The following SGCZ variants were observed in gnomAD, a reference collection of about 807,000 sequenced individuals.
The protein encoded by SGCZ is zeta-sarcoglycan.
In SGCZ, 40 loss-of-function variants were observed where a neutral mutation model predicts 41.3. The ratio of observed to expected loss-of-function variants is 0.97; its 90% CI spans 0.75 to 1.26. SGCZ has a LOEUF of 1.26. Among genes scored for constraint, SGCZ ranks in the 50% most tolerant of loss-of-function variants. The probability of loss-of-function intolerance (pLI) is 0.00; values close to 1 mark genes in which losing one functional copy is unlikely to be tolerated. For missense variants in SGCZ, 552 were observed against 369.8 expected, an observed-to-expected ratio of 1.49 and a Z score of -4.04; for synonymous variants, 206 against 137.5, an observed-to-expected ratio of 1.50 and a Z score of -3.49.
chr8:14,857,231 G>A (rs116202191), intron 1 of SGCZ, among the ~76,000 whole-genome samples: 3,790 of 152,174 alleles, frequency 0.025, 98 homozygotes, highest in African/African-American at 0.073. Context: ...GAAACCCAGC[G>A]GAAGCTGGCA....
In SGCZ at chr8:14,344,974, T is replaced by C. The variant is rs1174594059; in HGVS notation, c.235-20770A>G. 2.6e-5 allele frequency among the ~76,000 whole-genome samples: 4 copies of C among 152,088 alleles called. No individual in the cohort carries two copies. The East Asian group carries it at 7.7e-4, about 29-fold the overall frequency. On this transcript the variant is annotated intron_variant, in intron 2 of 7. Transcript: ENST00000382080. ...AAAATTTTGACAGTAATTTCACTTG[T>C]AGGCATACACACTGGCAAAATAAAA...
At chr8:15,181,089 A>T (rs1368710750) in intron 1 of SGCZ, among the ~76,000 whole-genome samples, 1 of 152,154 alleles carries the variant, frequency 6.6e-6, no homozygotes, top group Non-Finnish European at 1.5e-5. Flanking sequence ...AAGCCATTAA[A>T]AGAAAAAAGA....
chr8:15,009,239 G>C (rs898480965), intron 1 of SGCZ, among the ~76,000 whole-genome samples: 1 of 152,256 alleles, frequency 6.6e-6, no homozygotes, highest in African/African-American at 2.4e-5. Flanking sequence ...CAAAGGGGAA[G>C]TAAGCATGAT....
intron 1 of SGCZ, among the ~76,000 whole-genome samples, chr8:15,217,959 G>A (rs898029793): frequency 1.2e-4 from 18 of 152,104 alleles, no homozygotes; most frequent in African/African-American, 4.3e-4. Flanking sequence ...GGTGGCGTGT[G>A]CTTGTAATCC....
At chr8:14,101,575 A>G (rs926418214) in intron 7 of SGCZ, among the ~76,000 whole-genome samples, 1 of 152,252 alleles carries the variant, frequency 6.6e-6, no homozygotes, top group Non-Finnish European at 1.5e-5. Context: ...GAGTAGCAAC[A>G]AGATTTAAAG....
intron 1 of SGCZ, among the ~76,000 whole-genome samples, chr8:14,985,079 T>C (rs1801787298): frequency 1.3e-5 from 2 of 152,194 alleles, no homozygotes; most frequent in Admixed American, 1.3e-4. Context: ...GGCAAGCCAA[T>C]ACCCAATGGT....
intron 3 of SGCZ, among the ~76,000 whole-genome samples, chr8:14,254,997 C>A (rs113506807): frequency 2.3e-4 from 35 of 152,184 alleles, no homozygotes; most frequent in African/African-American, 8.0e-4. Context: ...TCTATTATTT[C>A]TCCAGTTTGG....
chr8:15,048,174 G>A (rs59504482), intron 1 of SGCZ, among the ~76,000 whole-genome samples: 20,483 of 152,026 alleles, frequency 0.13, 1,543 homozygotes, highest in South Asian at 0.23. Context: ...CCTGTCATTT[G>A]CAGCAACATT....
chr8:15,182,209 A>T (rs1272496460), intron 1 of SGCZ, among the ~76,000 whole-genome samples: 1 of 152,216 alleles, frequency 6.6e-6, no homozygotes, highest in African/African-American at 2.4e-5. Flanking sequence ...AATATCCTTA[A>T]TTCTTAGGTT....
intron 1 of SGCZ, among the ~76,000 whole-genome samples, chr8:15,126,101 G>A (rs1042816344): frequency 9.9e-5 from 15 of 152,176 alleles, no homozygotes; most frequent in African/African-American, 2.4e-4. Flanking sequence ...AGCCAAGATC[G>A]TGTCATCGCA....
intron 1 of SGCZ, among the ~76,000 whole-genome samples, chr8:15,157,784 C>G (rs747056475): frequency 5.3e-5 from 8 of 152,222 alleles, no homozygotes; most frequent in Non-Finnish European, 8.8e-5. Flanking sequence ...TATACCTCCA[C>G]TAGCTGAACT....
intron 1 of SGCZ, among the ~76,000 whole-genome samples, chr8:14,673,441 G>A (rs963273123): frequency 5.9e-5 from 9 of 151,358 alleles, no homozygotes; most frequent in African/African-American, 1.9e-4. Context: ...TCTCGCGCTC[G>A]CGCTGTCTCT....
At chr8:14,285,039 G>A (rs1800575922) in intron 3 of SGCZ, among the ~76,000 whole-genome samples, 1 of 152,112 alleles carries the variant, frequency 6.6e-6, no homozygotes, top group South Asian at 2.1e-4. Flanking sequence ...GACAGATAGA[G>A]TGAGAGACTT....
intron 2 of SGCZ, among the ~76,000 whole-genome samples, chr8:14,524,254 G>A (rs534249602): frequency 6.6e-6 from 1 of 151,632 alleles, no homozygotes; most frequent in African/African-American, 2.4e-5. Flanking sequence ...AAGAGCAAGA[G>A]AACGGGTATG....
intron 1 of SGCZ, among the ~76,000 whole-genome samples, chr8:15,008,435 A>T (rs1001058112): frequency 6.6e-6 from 1 of 150,904 alleles, no homozygotes; most frequent in African/African-American, 2.4e-5. Context: ...CAATTCAAAG[A>T]CCTTCAAATT....
chr8:14,800,610 T>C (rs1452842486), intron 1 of SGCZ, among the ~76,000 whole-genome samples: 2 of 152,124 alleles, frequency 1.3e-5, no homozygotes, highest in East Asian at 3.9e-4. Context: ...GAGATCTGGT[T>C]CTTTGAAAAG....
At chr8:14,874,571 T>C (rs1804278406) in intron 1 of SGCZ, among the ~76,000 whole-genome samples, 3 of 152,222 alleles carry the variant, frequency 2.0e-5, no homozygotes, top group East Asian at 1.9e-4. Flanking sequence ...ATAAGTAAAA[T>C]ATTAATATGT....
intron 5 of SGCZ, among the ~76,000 whole-genome samples, chr8:14,135,147 C>T (rs1803158100): frequency 6.6e-6 from 1 of 152,096 alleles, no homozygotes; most frequent in Non-Finnish European, 1.5e-5. Flanking sequence ...ACGCTTTCTA[C>T]TGTGTTTCCT....
At chr8:14,243,980 A>G (rs1272782330) in intron 3 of SGCZ, among the ~76,000 whole-genome samples, 1 of 152,202 alleles carries the variant, frequency 6.6e-6, no homozygotes, top group African/African-American at 2.4e-5. Flanking sequence ...TTTTAAAAGT[A>G]TAGTTTGTGT....
Sources: gnomAD v4.1 joint callset for allele counts (sites outside exome capture counted in the v4.1 genomes callset) on GRCh38, gnomAD v4.1.1 for gene constraint, MANE v1.5 for transcripts, NCBI Gene and HGNC (gene_info 2026-07-23, HGNC 2026-07-21) for gene names.